SMIM43: variants seen among roughly 807,000 people sequenced by gnomAD.
The protein encoded by SMIM43 is Nodal Enhanced MEsendoderm Peptide.
chr4:121,761,640 C>G lies in SMIM43; in HGVS notation c.*397G>C. On this transcript the variant is annotated 3_prime_UTR_variant, in exon 5 of 6. Coordinates refer to ENST00000643802, the MANE Select transcript of SMIM43 (RefSeq NM_001384332.1). ...ATGGCACACTCTGGGTAAATTTTCTCTCTTATTCTGTAGAATCGCACCAGA... is the reference window on the plus strand; with the variant it reads ...ATGGCACACTCTGGGTAAATTTTCTGTCTTATTCTGTAGAATCGCACCAGA... The G allele has an allele frequency of 6.2e-7, 1 of 1,613,940 alleles. No individual in the cohort carries two copies. The highest frequency in any genetic ancestry group is 8.5e-7 in the Non-Finnish European group (1 of 1,179,936).
intron 5 of SMIM43, 85 bp downstream of exon 5, chr4:121,761,453 T>C: frequency 7.3e-7 from 1 of 1,368,968 alleles, no homozygotes; most frequent in Non-Finnish European, 9.9e-7. Context: ...AATTTAACTC[T>C]ATTGCACTGA....
At chr4:121,761,420 A>G (rs1037912059) in intron 5 of SMIM43, 118 bp downstream of exon 5, 4 of 930,942 alleles carry the variant, frequency 4.3e-6, no homozygotes, top group Admixed American at 6.0e-5. Flanking sequence ...CCATTTACAA[A>G]CTTTAAAATT....
At chr4:121,764,733 G>A (rs778041955) in intron 1 of SMIM43, 84 bp downstream of exon 1, 10 of 393,380 alleles carry the variant, frequency 2.5e-5, no homozygotes, top group Non-Finnish European at 4.0e-5. Flanking sequence ...CGCGCTGCGA[G>A]CCCCGGGCCT....
intron 2 of SMIM43, among the ~76,000 whole-genome samples, chr4:121,763,416 C>G (rs183372849): frequency 1.1e-3 from 165 of 152,234 alleles, no homozygotes; most frequent in African/African-American, 3.9e-3. Flanking sequence ...TGACTAAACC[C>G]AAATCTTCCC....
In SMIM43 at chr4:121,760,316, G is replaced by C; in HGVS notation, c.*658C>G. 6.2e-7 allele frequency: 1 copy of C among 1,610,570 alleles called. No homozygotes were observed. The highest frequency in any genetic ancestry group is 1.1e-5 in the South Asian group (1 of 90,478). On this transcript the variant is annotated 3_prime_UTR_variant, in exon 6 of 6. Transcript: ENST00000643802. ...TTCTCAGACAATCTTGCAGATAGCA[G>C]TAGCCAATGACACAGTTCTGGCCAA...
chr4:121,763,345 T>C (rs1726169003), intron 2 of SMIM43, among the ~76,000 whole-genome samples: 1 of 152,210 alleles, frequency 6.6e-6, no homozygotes. Context: ...TATATGGTCT[T>C]TGTGTCTAAA....
chr4:121,761,748 T>C, intron 4 of SMIM43, 53 bp from the exon 5 acceptor site: 2 of 1,611,184 alleles, frequency 1.2e-6, no homozygotes, highest in Non-Finnish European at 1.7e-6. Flanking sequence ...TTTTAGATTT[T>C]GCAGGTGTGA....
chr4:121,761,141 T>C (rs1726041752), intron 5 of SMIM43, among the ~76,000 whole-genome samples: 1 of 151,804 alleles, frequency 6.6e-6, no homozygotes, highest in Non-Finnish European at 1.5e-5. Context: ...AAAAACTACA[T>C]CAAAGATTTA....
chr4:121,764,965 G>A lies in SMIM43; in HGVS notation c.141C>T (p.Arg47=). ...CCCAAGGCTCGCGGTGCACCGAGAGGCGCCCGGGCTGGAGCGCCCCGGCCG... is the reference window on the plus strand; with the variant it reads ...CCCAAGGCTCGCGGTGCACCGAGAGACGCCCGGGCTGGAGCGCCCCGGCCG... The part of the protein sequence containing the change: ...ANTAGALQPG[R]LSVHREPWGF... The change falls in exon 1 of 6, where the codon CGC becomes CGT. Residue 47 remains arginine, a synonymous_variant. Coordinates refer to ENST00000643802, the MANE Select transcript of SMIM43 (RefSeq NM_001384332.1). 2.5e-6 allele frequency: 1 copy of A among 398,602 alleles called. No homozygotes were observed. Among genetic ancestry groups the A allele is most frequent in the Non-Finnish European group, 4.4e-6 (1 of 225,736 alleles). 24.7% of individuals were successfully genotyped at this position (398,602 alleles called of 1,614,324 possible).
intron 5 of SMIM43, 145 bp downstream of exon 5, chr4:121,761,393 T>G: frequency 1.4e-6 from 1 of 699,206 alleles, no homozygotes; most frequent in Non-Finnish European, 2.3e-6. Flanking sequence ...CATTTCCCAC[T>G]ATTCTAAATG....
rs763064392 is a variant in SMIM43 at position 121,758,937 on chromosome 4, T to C, written c.*2037A>G. 1 of 152,214 alleles carries C rather than the reference T, an allele frequency of 6.6e-6. No individual in the cohort carries two copies. Among genetic ancestry groups the C allele is most frequent in the Non-Finnish European group, 1.5e-5 (1 of 68,030 alleles). 9.4% of individuals were successfully genotyped at this position (152,214 alleles called of 1,614,324 possible). A position where few individuals can be genotyped will look rare whatever the true frequency, so the allele number is the denominator to read the frequency against. On this transcript the variant is annotated 3_prime_UTR_variant, in exon 6 of 6. Coordinates refer to ENST00000643802, the MANE Select transcript of SMIM43 (RefSeq NM_001384332.1). ...ATAAAAAGCCACATTAAAAACTGTG[T>C]TACGTATAGTTTATTTTTATTTCAT...
Position 121,759,979 on chromosome 4 carries a change from T to C in SMIM43, c.*995A>G, listed in dbSNP as rs1245081979. The C allele has an allele frequency of 5.3e-6, 1 of 189,836 alleles. No homozygotes were observed. The highest frequency in any genetic ancestry group is 1.1e-5 in the Non-Finnish European group (1 of 93,050). The allele number at this position is 189,836 out of a possible 1,614,324, so 11.8% of individuals were successfully genotyped here. ...AAGTGCACAGGTACCCAGGGCCCTC[T>C]AGAAAATCCTGATGTGGGACAAGGA... On this transcript the variant is annotated 3_prime_UTR_variant, in exon 6 of 6. Coordinates refer to ENST00000643802, the MANE Select transcript of SMIM43 (RefSeq NM_001384332.1).
At position 121,759,679 on chromosome 4, in the gene SMIM43, C is replaced by T. The variant is rs1388734757; in HGVS notation, c.*1295G>A. 1 of 152,154 alleles carries T rather than the reference C, an allele frequency of 6.6e-6. No homozygotes were observed. Among genetic ancestry groups the T allele is most frequent in the African/African-American group, 2.4e-5 (1 of 41,418 alleles). The allele number at this position is 152,154 out of a possible 1,614,324, so 9.4% of individuals were successfully genotyped here. A position where few individuals can be genotyped will look rare whatever the true frequency, so the allele number is the denominator to read the frequency against. On this transcript the variant is annotated 3_prime_UTR_variant, in exon 6 of 6. Transcript: ENST00000643802. ...CTAGGATGTAGGCTGCTTATAGAAG[C>T]AGCTTTGAGAGGCAATTCTTCTCCC...
chr4:121,761,676 T>C lies in SMIM43; in HGVS notation c.*361A>G, dbSNP rs1363479790. 6.2e-7 allele frequency: 1 copy of C among 1,613,540 alleles called. No homozygotes were observed. The highest frequency in any genetic ancestry group is 2.2e-5 in the East Asian group (1 of 44,874). On this transcript the variant is annotated 3_prime_UTR_variant, in exon 5 of 6. Coordinates refer to ENST00000643802, the MANE Select transcript of SMIM43 (RefSeq NM_001384332.1). Reference sequence around the variant, plus strand: ...TAGAATCGCACCAGATGGCATCAGTTCTGCATCTACAGCTGTGCCCTAAAA... The same window carrying C: ...TAGAATCGCACCAGATGGCATCAGTCCTGCATCTACAGCTGTGCCCTAAAA...
At chr4:121,762,221 T>C (rs1429159425) in intron 3 of SMIM43, among the ~76,000 whole-genome samples, 1 of 152,162 alleles carries the variant, frequency 6.6e-6, no homozygotes, top group African/African-American at 2.4e-5. Flanking sequence ...GTAGCCAACA[T>C]GTAGAAGCCT....
intron 5 of SMIM43, 64 bp downstream of exon 5, chr4:121,761,474 A>C (rs1726057314): frequency 6.7e-7 from 1 of 1,484,800 alleles, no homozygotes; most frequent in Non-Finnish European, 9.0e-7. Flanking sequence ...TTTTGAAACT[A>C]TAGACAAAAT....
rs1282944009 is a variant in SMIM43, at chr4:121,759,306, A to T, written c.*1668T>A. On this transcript the variant is annotated 3_prime_UTR_variant, in exon 6 of 6. Coordinates refer to ENST00000643802, the MANE Select transcript of SMIM43 (RefSeq NM_001384332.1). Reference sequence around the variant, plus strand: ...ACCATTCTTTCTTTTCCTCTGGGAGACAAATTCAATGGCAAGCTAGAATAG... The same window carrying T: ...ACCATTCTTTCTTTTCCTCTGGGAGTCAAATTCAATGGCAAGCTAGAATAG... The T allele has an allele frequency of 6.6e-6, 1 of 152,170 alleles. No individual in the cohort carries two copies. The highest frequency in any genetic ancestry group is 1.5e-5 in the Non-Finnish European group (1 of 68,032). The allele number at this position is 152,170 out of a possible 1,614,324, so 9.4% of individuals were successfully genotyped here. A position where few individuals can be genotyped will look rare whatever the true frequency, so the allele number is the denominator to read the frequency against.
At position 121,761,657 on chromosome 4, in the gene SMIM43, C is replaced by T. The variant is rs756330638; in HGVS notation, c.*380G>A. On this transcript the variant is annotated 3_prime_UTR_variant, in exon 5 of 6. Coordinates refer to ENST00000643802, the MANE Select transcript of SMIM43 (RefSeq NM_001384332.1). ...AATTTTCTCTCTTATTCTGTAGAATCGCACCAGATGGCATCAGTTCTGCAT... is the reference window on the plus strand; with the variant it reads ...AATTTTCTCTCTTATTCTGTAGAATTGCACCAGATGGCATCAGTTCTGCAT... 1.1e-5 allele frequency: 17 copies of T among 1,613,530 alleles called. No homozygotes were observed. The highest frequency in any genetic ancestry group is 2.2e-5 in the South Asian group (2 of 90,846).
At chr4:121,765,242 G>A (rs939698585), upstream of SMIM43, 3 of 380,132 alleles carry the variant, frequency 7.9e-6, no homozygotes, top group Non-Finnish European at 1.4e-5. Flanking sequence ...CGACTCCGGG[G>A]TCCGTGCTTT....
Sources: allele counts gnomAD v4.1 joint callset (sites outside exome capture counted in the v4.1 genomes callset), GRCh38; gene constraint gnomAD v4.1.1; transcripts MANE v1.5; gene names NCBI Gene and HGNC (gene_info 2026-07-23, HGNC 2026-07-21).